The following DNAH7 variants were observed in gnomAD, a reference collection of about 807,000 sequenced individuals.
The protein encoded by DNAH7 is axonemal beta dynein heavy chain 7.
Under a neutral mutation model 444.6 loss-of-function variants are expected in DNAH7, and 397 were observed. That is an observed-to-expected ratio of 0.89 (90% CI 0.82 to 0.97). DNAH7 has a LOEUF of 0.97. Among genes scored for constraint, DNAH7 ranks in the 50% least tolerant of loss-of-function variants. The pLI, the probability that DNAH7 is intolerant of heterozygous loss-of-function variation, is 0.00. For synonymous variants in DNAH7, 1,636 were observed against 1,624.4 expected, an observed-to-expected ratio of 1.01 and a Z score of -0.17; for missense variants, 4,902 against 4,800.8, an observed-to-expected ratio of 1.02 and a Z score of -0.62.
intron 21 of DNAH7, among the ~76,000 whole-genome samples, chr2:195,931,986 G>C (rs138304623): frequency 0.018 from 2,790 of 152,228 alleles, 74 homozygotes; most frequent in African/African-American, 0.063. Context: ...TGATGGGGAT[G>C]GCATTGAATC....
intron 51 of DNAH7, among the ~76,000 whole-genome samples, chr2:195,815,076 C>T (rs960153726): frequency 1.1e-4 from 16 of 150,578 alleles, no homozygotes; most frequent in African/African-American, 3.9e-4. Context: ...TCTTGTCCCA[C>T]GGAACTCAGA....
At chr2:196,044,938 G>A (rs928629310) in intron 5 of DNAH7, among the ~76,000 whole-genome samples, 2 of 151,872 alleles carry the variant, frequency 1.3e-5, no homozygotes, top group African/African-American at 4.8e-5. Flanking sequence ...TTAGTCAGGT[G>A]TTGTGGCACG....
At chr2:196,015,513 T>C (rs1694965499) in intron 9 of DNAH7, among the ~76,000 whole-genome samples, 1 of 152,210 alleles carries the variant, frequency 6.6e-6, no homozygotes, top group East Asian at 1.9e-4. Flanking sequence ...CATTCTCTTG[T>C]GATCTTCATA....
At chr2:195,745,285 C>A (rs375763463) in intron 63 of DNAH7, among the ~76,000 whole-genome samples, 1 of 151,738 alleles carries the variant, frequency 6.6e-6, no homozygotes, top group Non-Finnish European at 1.5e-5. Flanking sequence ...TGAAATGAAG[C>A]GAGAAGGGAA....
intron 57 of DNAH7, among the ~76,000 whole-genome samples, chr2:195,790,984 C>T (rs1263466251): frequency 6.6e-6 from 1 of 152,098 alleles, no homozygotes; most frequent in African/African-American, 2.4e-5. Flanking sequence ...GGAACTTAAA[C>T]AATTTAGCAA....
At chr2:195,946,859 G>T (rs968460912) in intron 19 of DNAH7, among the ~76,000 whole-genome samples, 1 of 151,976 alleles carries the variant, frequency 6.6e-6, no homozygotes, top group Non-Finnish European at 1.5e-5. Context: ...CTGTGGGGAA[G>T]AGGAGAGCTC....
At chr2:195,821,967 C>T (rs543782044) in intron 49 of DNAH7, among the ~76,000 whole-genome samples, 4 of 152,360 alleles carry the variant, frequency 2.6e-5, no homozygotes, top group African/African-American at 7.2e-5. Flanking sequence ...CTTCCGCCCA[C>T]ACCTAGGCAC....
intron 8 of DNAH7, 97 bp from the exon 9 acceptor site, chr2:196,019,392 T>A (rs1695231580): frequency 1.1e-6 from 1 of 943,900 alleles, no homozygotes; most frequent in Non-Finnish European, 1.4e-6. Context: ...TAATAAAATA[T>A]GTGCTGTATC....
At chr2:195,793,588 G>T (rs950717497) in intron 57 of DNAH7, among the ~76,000 whole-genome samples, 2 of 152,166 alleles carry the variant, frequency 1.3e-5, no homozygotes, top group Non-Finnish European at 2.9e-5. Flanking sequence ...GAGATGGTTT[G>T]ACTTAGTTTT....
At chr2:195,886,102 G>T (rs1256841767) in intron 34 of DNAH7, 39 bp downstream of exon 34, 2 of 1,586,444 alleles carry the variant, frequency 1.3e-6, no homozygotes, top group East Asian at 4.6e-5. Context: ...GTAGATACCT[G>T]TCTTTCTGTA....
chr2:195,942,962 A>AC (rs1247304945), intron 19 of DNAH7, among the ~76,000 whole-genome samples: 1 of 152,064 alleles, frequency 6.6e-6, no homozygotes, highest in African/African-American at 2.4e-5. Context: ...CATAGGAGGG[A>AC]CCTGGTGGGA....
chr2:195,764,708 T>TA (rs1694495220), intron 61 of DNAH7, among the ~76,000 whole-genome samples: 1 of 151,784 alleles, frequency 6.6e-6, no homozygotes, highest in Admixed American at 6.6e-5. Flanking sequence ...ATAAAAACTA[T>TA]AAAACACTGG....
chr2:195,954,248 A>T (rs1171197481), intron 19 of DNAH7, among the ~76,000 whole-genome samples: 2 of 152,050 alleles, frequency 1.3e-5, no homozygotes, highest in Admixed American at 6.6e-5. Context: ...TCACTGTTCA[A>T]TTCCCACCTA....
chr2:196,042,977 A>T (rs563710212), intron 5 of DNAH7, among the ~76,000 whole-genome samples: 1 of 152,254 alleles, frequency 6.6e-6, no homozygotes, highest in South Asian at 2.1e-4. Flanking sequence ...TAAATATATG[A>T]TTGCAGTTAT....
intron 48 of DNAH7, among the ~76,000 whole-genome samples, chr2:195,828,327 G>A (rs1163223549): frequency 1.3e-5 from 2 of 152,092 alleles, no homozygotes; most frequent in East Asian, 3.9e-4. Flanking sequence ...GCTCATGCCT[G>A]TAATCCCAGC....
intron 23 of DNAH7, among the ~76,000 whole-genome samples, chr2:195,922,969 T>A (rs1688116714): frequency 6.6e-6 from 1 of 151,948 alleles, no homozygotes; most frequent in Admixed American, 6.6e-5. Flanking sequence ...TTCAAGCAAT[T>A]CTCCCACCTC....
chr2:196,022,195 G>A (rs190757222), intron 8 of DNAH7, among the ~76,000 whole-genome samples: 33 of 152,124 alleles, frequency 2.2e-4, no homozygotes, highest in African/African-American at 7.9e-4. Flanking sequence ...CAATCATCTG[G>A]GCCTTTTGCG....
chr2:195,945,800 AAG>A (rs1689760440), intron 19 of DNAH7, among the ~76,000 whole-genome samples: 1 of 152,216 alleles, frequency 6.6e-6, no homozygotes, highest in African/African-American at 2.4e-5. Flanking sequence ...GAAAAAATTT[AAG>A]AGTGTTTTTG....
chr2:196,050,174 T>C (rs577585127), intron 3 of DNAH7, among the ~76,000 whole-genome samples: 42 of 152,348 alleles, frequency 2.8e-4, no homozygotes, highest in African/African-American at 9.6e-4. Context: ...TTTTAAAATA[T>C]CTTTCAAAGC....
Sources: gnomAD v4.1 joint callset for allele counts (sites outside exome capture counted in the v4.1 genomes callset) on GRCh38, gnomAD v4.1.1 for gene constraint, MANE v1.5 for transcripts, NCBI Gene and HGNC (gene_info 2026-07-23, HGNC 2026-07-21) for gene names.